LDB3: variants seen among roughly 807,000 people sequenced by gnomAD.
LDB3 encodes the protein LIM domain-binding protein 3.
LDB3 carries 49 observed loss-of-function variants against 69.0 expected under a neutral mutation model. The ratio of observed to expected loss-of-function variants is 0.71; its 90% CI spans 0.56 to 0.90. LDB3 has a LOEUF of 0.90. Ranked by LOEUF, LDB3 falls within the 40% of genes least tolerant of loss-of-function variation. The pLI is 0.00. For synonymous variants in LDB3, 387 were observed against 396.2 expected (o/e 0.98, Z 0.28); for missense variants, 928 against 974.1 (o/e 0.95, Z 0.63).
chr10:86,733,027 G>T lies in LDB3; in HGVS notation c.*51G>T. The T allele has an allele frequency of 7.6e-7, 1 of 1,307,516 alleles. No individual in the cohort carries two copies. The highest frequency in any genetic ancestry group is 1.1e-6 in the Non-Finnish European group (1 of 911,130). 81.0% of individuals were successfully genotyped at this position (1,307,516 alleles called of 1,614,324 possible). On this transcript the variant is annotated 3_prime_UTR_variant, in exon 14 of 14. Transcript: ENST00000361373. ...AGGCCCGGAGCTGCTCCTGCTGCTG[G>T]CAACAAAGGATTCGGGAGGCTGATG...
intron 2 of LDB3, among the ~76,000 whole-genome samples, chr10:86,675,804 A>G (rs758933717): frequency 2.6e-5 from 4 of 152,356 alleles, no homozygotes; most frequent in Admixed American, 2.6e-4. Context: ...ACACTTTAGA[A>G]TGTTTTCTAC....
At chr10:86,671,923 C>T (rs1019342013) in intron 2 of LDB3, among the ~76,000 whole-genome samples, 1 of 152,108 alleles carries the variant, frequency 6.6e-6, no homozygotes, top group African/African-American at 2.4e-5. Flanking sequence ...ACCAGCCTGG[C>T]CAACATGGTG....
At chr10:86,710,172 T>C in intron 9 of LDB3, 122 bp downstream of exon 9, 28 of 1,533,026 alleles carry the variant, frequency 1.8e-5, no homozygotes, top group Non-Finnish European at 2.4e-5. Context: ...GCCTTGCTAA[T>C]GATGCTCCGC....
Position 86,680,138 on chromosome 10 carries a change from C to G in LDB3, c.302C>G (p.Pro101Arg). 1 of 1,614,166 alleles carries G rather than the reference C, an allele frequency of 6.2e-7. No homozygotes were observed. The highest frequency in any genetic ancestry group is 8.5e-7 in the Non-Finnish European group (1 of 1,179,976). Residue 101 changes from proline (P) to arginine (R), a missense_variant, in exon 4 of 14, where the codon CCG becomes CGG. Coordinates refer to ENST00000361373, the MANE Select transcript of LDB3 (RefSeq NM_007078.3). ...GCACCTCCAGTCCAGACCCCTCTGCCGGTGATCCCTCACCAGAAGGTAGGT... is the reference window on the plus strand; with the variant it reads ...GCACCTCCAGTCCAGACCCCTCTGCGGGTGATCCCTCACCAGAAGGTAGGT... ...TTAPPVQTPL[P>R]VIPHQKDPAL... is the part of the protein sequence containing the mutation.
rs1393704521 is a variant in LDB3, at chr10:86,706,531, C to T, written c.897C>T (p.Ser299=). The change falls in exon 8 of 14, where the codon AGC becomes AGT. Residue 299 remains serine (S), a splice_region_variant and synonymous_variant. Transcript: ENST00000361373. ...TGTCTTTTTGGTCCCGCCTCATCAGCACCCCTATTGAGCATGCGCCGGTGT... is the reference window on the plus strand; with the variant it reads ...TGTCTTTTTGGTCCCGCCTCATCAGTACCCCTATTGAGCATGCGCCGGTGT... ...DPDEEALRRS[S]TPIEHAPVCT... The T allele has an allele frequency of 6.2e-7, 1 of 1,612,196 alleles. No homozygotes were observed. Among genetic ancestry groups the T allele is most frequent in the Non-Finnish European group, 8.5e-7 (1 of 1,179,926 alleles).
intron 4 of LDB3, 88 bp downstream of exon 4, chr10:86,680,245 C>G: frequency 8.1e-7 from 1 of 1,227,762 alleles, no homozygotes; most frequent in East Asian, 2.4e-5. Context: ...TTGGCTGGCC[C>G]AACTGGGATG....
chr10:86,668,994 C>G lies in LDB3; in HGVS notation c.93+210C>G, dbSNP rs112299194. Among the ~76,000 whole-genome samples, 34 of 152,236 alleles carry G rather than the reference C, an allele frequency of 2.2e-4. 3 individuals carry two copies. The highest frequency in any genetic ancestry group is 7.2e-4 in the African/African-American group (30 of 41,534). ...TGTTATGCATGTGAGACATCATGAG[C>G]AGGTGGTAGGTGTTTTTAGCAGAGA... is the stretch of plus-strand genomic sequence containing the variant. On this transcript the variant is annotated intron_variant, in intron 2 of 13. Coordinates refer to ENST00000361373, the MANE Select transcript of LDB3 (RefSeq NM_007078.3).
In LDB3 at chr10:86,668,546, G is replaced by A. The variant is rs2803556; in HGVS notation, c.-48G>A. 80,507 of 734,816 alleles carry A rather than the reference G, an allele frequency of 0.11. 5,320 individuals carry two copies. The highest frequency in any genetic ancestry group is 0.14 in the Middle Eastern group (624 of 4,390). 45.5% of individuals were successfully genotyped at this position (734,816 alleles called of 1,614,324 possible). On this transcript the variant is annotated 5_prime_UTR_variant, in exon 1 of 14. Transcript: ENST00000361373. ...GCCTCTCAAGAGCTCCACGCAGCCCGGCTGGGCAGCAAGGGACAGAACAGG... is the reference window on the plus strand; with the variant it reads ...GCCTCTCAAGAGCTCCACGCAGCCCAGCTGGGCAGCAAGGGACAGAACAGG...
At chr10:86,670,565 C>T (rs1231168218) in intron 2 of LDB3, among the ~76,000 whole-genome samples, 2 of 152,180 alleles carry the variant, frequency 1.3e-5, no homozygotes, top group South Asian at 2.1e-4. Flanking sequence ...ATGACCTCAC[C>T]CAGGGTCTAT....
rs771674042 is a variant in LDB3, at chr10:86,716,307, G to A, written c.1232-20G>A. On this transcript the variant is annotated intron_variant, in intron 9 of 13. Coordinates refer to ENST00000361373, the MANE Select transcript of LDB3 (RefSeq NM_007078.3). Reference sequence around the variant, plus strand: ...GAATTCCTGACACACCTTTCTTTGGGTTTTTTTTGGCTTTTGCAGTGCCTG... The same window carrying A: ...GAATTCCTGACACACCTTTCTTTGGATTTTTTTTGGCTTTTGCAGTGCCTG... 6.2e-7 allele frequency: 1 copy of A among 1,610,614 alleles called. No individual in the cohort carries two copies. Among genetic ancestry groups the A allele is most frequent in the Non-Finnish European group, 8.5e-7 (1 of 1,179,162 alleles).
At chr10:86,732,554 T>C (rs1311266568) in intron 13 of LDB3, 3 of 461,166 alleles carry the variant, frequency 6.5e-6, no homozygotes, top group Non-Finnish European at 1.3e-5. Flanking sequence ...CAGGCTGGAG[T>C]GCAGTGGCAC....
At chr10:86,704,578 T>TA (rs1846375690) in intron 7 of LDB3, among the ~76,000 whole-genome samples, 1 of 62,216 alleles carries the variant, frequency 1.6e-5, no homozygotes, top group East Asian at 1.5e-3. Flanking sequence ...CCCAGCTAAA[T>TA]TTTTTTTTTT....
At chr10:86,715,391 C>T (rs1487334787) in intron 9 of LDB3, among the ~76,000 whole-genome samples, 2 of 152,058 alleles carry the variant, frequency 1.3e-5, no homozygotes, top group Non-Finnish European at 2.9e-5. Flanking sequence ...GCAGCTGGGT[C>T]TGCCCTGGCT....
chr10:86,686,135 A>G (rs1845456532), intron 5 of LDB3, among the ~76,000 whole-genome samples: 2 of 152,242 alleles, frequency 1.3e-5, no homozygotes. Flanking sequence ...TCCTGTGGGT[A>G]GAGGATGGCC....
chr10:86,720,542 C>CTTAG (rs10664257), intron 12 of LDB3, among the ~76,000 whole-genome samples: 34,596 of 151,964 alleles, frequency 0.23, 4,671 homozygotes, highest in East Asian at 0.59. Flanking sequence ...AAACAAGTCA[C>CTTAG]TTACTCTGTG....
chr10:86,670,813 A>G (rs1360920615), intron 2 of LDB3, among the ~76,000 whole-genome samples: 2 of 152,224 alleles, frequency 1.3e-5, no homozygotes, highest in African/African-American at 4.8e-5. Context: ...GCCGCGGAGC[A>G]GGCTGGACTG....
At chr10:86,690,979 C>T (rs1845730840) in intron 5 of LDB3, among the ~76,000 whole-genome samples, 2 of 152,192 alleles carry the variant, frequency 1.3e-5, no homozygotes, top group African/African-American at 4.8e-5. Flanking sequence ...TGGGCTTCAC[C>T]TGAGCCCTCC....
chr10:86,695,589 C>T (rs964031822), intron 7 of LDB3, among the ~76,000 whole-genome samples: 1 of 152,344 alleles, frequency 6.6e-6, no homozygotes, highest in East Asian at 1.9e-4. Context: ...AGCCTTCTGC[C>T]TACTTCCACA....
At chr10:86,670,669 G>T (rs879390857) in intron 2 of LDB3, among the ~76,000 whole-genome samples, 2 of 152,196 alleles carry the variant, frequency 1.3e-5, no homozygotes, top group African/African-American at 2.4e-5. Flanking sequence ...TGGGGAGGGG[G>T]TATGCAGGGA....
Sources: allele counts gnomAD v4.1 joint callset (sites outside exome capture counted in the v4.1 genomes callset), GRCh38; gene constraint gnomAD v4.1.1; transcripts MANE v1.5; gene names NCBI Gene and HGNC (gene_info 2026-07-23, HGNC 2026-07-21).